The following GRM7 variants were observed in gnomAD, a reference collection of about 807,000 sequenced individuals.
GRM7 encodes the protein glutamate metabotropic receptor 7, also known as metabotropic glutamate receptor 7.
Under a neutral mutation model 84.5 loss-of-function variants are expected in GRM7, and 35 were observed. The ratio of observed to expected loss-of-function variants is 0.41; its 90% CI spans 0.32 to 0.55. The LOEUF is 0.55. GRM7 is among the 20% of genes least tolerant of loss of function. The pLI, the probability that GRM7 is intolerant of heterozygous loss-of-function variation, is 0.19. For synonymous variants in GRM7, 487 were observed against 455.1 expected, an observed-to-expected ratio of 1.07 and a Z score of -0.89; for missense variants, 1,003 against 1,194.6, an observed-to-expected ratio of 0.84 and a Z score of 2.36.
intron 5 of GRM7, among the ~76,000 whole-genome samples, chr3:7,443,775 T>C (rs1465376084): frequency 1.3e-5 from 2 of 152,184 alleles, no homozygotes; most frequent in Non-Finnish European, 2.9e-5. Context: ...TAATTTTGTG[T>C]GTTATTAACA....
intron 1 of GRM7, among the ~76,000 whole-genome samples, chr3:7,071,020 C>T (rs908656359): frequency 6.6e-6 from 1 of 152,054 alleles, no homozygotes; most frequent in Non-Finnish European, 1.5e-5. Flanking sequence ...TGGAGAGACA[C>T]AGTGTTTATT....
intron 1 of GRM7, among the ~76,000 whole-genome samples, chr3:6,916,705 A>C (rs542589436): frequency 6.6e-6 from 1 of 152,050 alleles, no homozygotes; most frequent in Non-Finnish European, 1.5e-5. Context: ...CCTCCTAAAG[A>C]CCCTACCTAT....
chr3:7,187,068 T>C (rs1202631649), intron 2 of GRM7, among the ~76,000 whole-genome samples: 6 of 152,122 alleles, frequency 3.9e-5, no homozygotes, highest in Admixed American at 3.9e-4. Context: ...GAATAGCCAC[T>C]ACACTCCAGT....
Position 7,429,140 on chromosome 3 carries a change from G to T in GRM7, c.1174+13977G>T, listed in dbSNP as rs533826118. On this transcript the variant is annotated intron_variant, in intron 5 of 9. Coordinates refer to ENST00000357716, the MANE Select transcript of GRM7 (RefSeq NM_000844.4). ...GACACAAGTGACTTTGCATCTCTGTGCCTGTTTTCTAATTTCTAAAATGTT... is the reference window on the plus strand; with the variant it reads ...GACACAAGTGACTTTGCATCTCTGTTCCTGTTTTCTAATTTCTAAAATGTT... Among the ~76,000 whole-genome samples, 4 of 152,122 alleles carry T rather than the reference G, an allele frequency of 2.6e-5. No individual in the cohort carries two copies. In the South Asian group the frequency reaches 8.3e-4, roughly 32 times the overall value.
chr3:7,276,249 G>GTGTA (rs1336783487), intron 2 of GRM7, among the ~76,000 whole-genome samples: 105 of 143,646 alleles, frequency 7.3e-4, no homozygotes, highest in African/African-American at 2.6e-3. Context: ...GTGTGTGTGT[G>GTGTA]TATATATAAT....
chr3:7,384,825 A>C (rs1240142900), intron 4 of GRM7, among the ~76,000 whole-genome samples: 1 of 152,164 alleles, frequency 6.6e-6, no homozygotes, highest in Non-Finnish European at 1.5e-5. Flanking sequence ...AAGGGCATCT[A>C]TCAGCTTTGC....
intron 2 of GRM7, among the ~76,000 whole-genome samples, chr3:7,182,502 T>G (rs1695373710): frequency 6.6e-6 from 1 of 152,130 alleles, no homozygotes; most frequent in Non-Finnish European, 1.5e-5. Flanking sequence ...AGGAGGAAAG[T>G]CAAAAAAATA....
intron 7 of GRM7, among the ~76,000 whole-genome samples, chr3:7,568,374 A>T (rs1293884115): frequency 1.3e-5 from 2 of 152,242 alleles, no homozygotes; most frequent in African/African-American, 4.8e-5. Context: ...CTTCACAATC[A>T]TGGCAAAAGG....
intron 1 of GRM7, among the ~76,000 whole-genome samples, chr3:7,113,111 T>A (rs1692916338): frequency 6.6e-6 from 1 of 152,140 alleles, no homozygotes; most frequent in African/African-American, 2.4e-5. Context: ...GTAATACCAT[T>A]ACTGCTTTTT....
intron 2 of GRM7, among the ~76,000 whole-genome samples, chr3:7,230,842 G>A (rs1244152146): frequency 1.3e-5 from 2 of 152,158 alleles, no homozygotes; most frequent in African/African-American, 2.4e-5. Flanking sequence ...GAGTAATTCT[G>A]GGAAGCAGCT....
At chr3:7,412,439 G>T (rs1312373496) in intron 4 of GRM7, among the ~76,000 whole-genome samples, 1 of 152,134 alleles carries the variant, frequency 6.6e-6, no homozygotes, top group Non-Finnish European at 1.5e-5. Context: ...CCACACACTT[G>T]CAAGAGCTTT....
intron 1 of GRM7, among the ~76,000 whole-genome samples, chr3:6,987,995 C>CTTTT (rs34837684): frequency 8.9e-6 from 1 of 112,150 alleles, no homozygotes; most frequent in Non-Finnish European, 1.8e-5. Context: ...TCACCTCTAG[C>CTTTT]TTTTTTTTTT....
Position 6,951,742 on chromosome 3 carries a change from G to A in GRM7, c.519+89835G>A, listed in dbSNP as rs188887582. 4.2e-3 allele frequency among the ~76,000 whole-genome samples: 632 copies of A among 152,224 alleles called. 6 individuals are homozygous for A. The highest frequency in any genetic ancestry group is 0.015 in the African/African-American group (610 of 41,530). ...AAAAATATATGTGTGTTCCATTATT[G>A]TTCAGTGGAAGGTTCTATAAATGTC... is the stretch of plus-strand genomic sequence containing the variant. On this transcript the variant is annotated intron_variant, in intron 1 of 9. Coordinates refer to ENST00000357716, the MANE Select transcript of GRM7 (RefSeq NM_000844.4).
intron 4 of GRM7, among the ~76,000 whole-genome samples, chr3:7,404,582 A>G (rs543291446): frequency 6.6e-6 from 1 of 152,294 alleles, no homozygotes; most frequent in Non-Finnish European, 1.5e-5. Context: ...ATGCCTTGGA[A>G]TCTACCAATC....
intron 9 of GRM7, among the ~76,000 whole-genome samples, chr3:7,710,318 C>T (rs561855803): frequency 6.6e-6 from 1 of 152,174 alleles, no homozygotes; most frequent in African/African-American, 2.4e-5. Context: ...CCCCAAAAAC[C>T]TCAACATGAA....
At position 7,087,062 on chromosome 3, in the gene GRM7, A is replaced by G. The variant is rs542207873; in HGVS notation, c.520-59390A>G. 3.3e-5 allele frequency among the ~76,000 whole-genome samples: 5 copies of G among 152,332 alleles called. No individual in the cohort carries two copies. In the East Asian group the frequency reaches 9.6e-4, roughly 29 times the overall value. ...GACATTACAGGAGGCCACAATAAAA[A>G]TAAACAGAAGAAAGTGAAAAACTCT... is the stretch of plus-strand genomic sequence containing the variant. On this transcript the variant is annotated intron_variant, in intron 1 of 9. Transcript: ENST00000357716.
intron 4 of GRM7, among the ~76,000 whole-genome samples, chr3:7,312,272 A>G (rs1218815646): frequency 1.3e-5 from 2 of 152,092 alleles, no homozygotes; most frequent in Non-Finnish European, 2.9e-5. Flanking sequence ...CTTGGCAGCA[A>G]TGCAAAGGAG....
intron 4 of GRM7, among the ~76,000 whole-genome samples, chr3:7,400,289 G>A (rs1695395109): frequency 1.3e-5 from 2 of 152,234 alleles, no homozygotes; most frequent in Admixed American, 6.5e-5. Context: ...TACTTCTATA[G>A]CAATGTCACT....
chr3:7,637,983 A>G (rs940824957), intron 8 of GRM7, among the ~76,000 whole-genome samples: 3 of 152,230 alleles, frequency 2.0e-5, no homozygotes, highest in African/African-American at 7.2e-5. Context: ...GGTACTGAGT[A>G]TTCCCTTGAG....
Sources: gnomAD v4.1 joint callset for allele counts (sites outside exome capture counted in the v4.1 genomes callset) on GRCh38, gnomAD v4.1.1 for gene constraint, MANE v1.5 for transcripts, NCBI Gene and HGNC (gene_info 2026-07-23, HGNC 2026-07-21) for gene names.